Variants in ARFGEF3 observed in about 807,000 individuals in gnomAD.
The protein encoded by ARFGEF3 is ARFGEF family member 3, also known as brefeldin A-inhibited guanine nucleotide-exchange protein 3.
Under a neutral mutation model 221.7 loss-of-function variants are expected in ARFGEF3, and 96 were observed. That is an observed-to-expected ratio of 0.43 (90% CI 0.37 to 0.51). ARFGEF3 has a LOEUF of 0.51. ARFGEF3 is among the 20% of genes least tolerant of loss of function. ARFGEF3 has a pLI of 0.00. For missense variants in ARFGEF3, 2,410 were observed against 2,789.9 expected, an observed-to-expected ratio of 0.86 and a Z score of 3.07; for synonymous variants, 1,145 against 1,126.8, an observed-to-expected ratio of 1.02 and a Z score of -0.32.
chr6:138,169,742 C>T (rs1203459964), intron 1 of ARFGEF3, among the ~76,000 whole-genome samples: 1 of 152,206 alleles, frequency 6.6e-6, no homozygotes, highest in Non-Finnish European at 1.5e-5. Flanking sequence ...TTCTGTTTTG[C>T]TGATTAATTG....
chr6:138,174,591 A>C, intron 2 of ARFGEF3, among the ~76,000 whole-genome samples: 1 of 148,562 alleles, frequency 6.7e-6, no homozygotes, highest in East Asian at 2.1e-4. Flanking sequence ...CATTTAATAT[A>C]TGGGAAAGAA....
chr6:138,335,396 C>T (rs968638239), intron 33 of ARFGEF3, among the ~76,000 whole-genome samples: 11 of 152,158 alleles, frequency 7.2e-5, no homozygotes, highest in African/African-American at 2.7e-4. Context: ...TGGAATTTTA[C>T]TCTCAGGTAA....
chr6:138,322,802 GAA>G (rs112516953), intron 29 of ARFGEF3, among the ~76,000 whole-genome samples: 4,630 of 89,932 alleles, frequency 0.051, 217 homozygotes, highest in African/African-American at 0.13. Flanking sequence ...CTCAAAAAAA[GAA>G]AAAAAAAAAA....
At chr6:138,191,893 G>A (rs1777310424) in intron 2 of ARFGEF3, among the ~76,000 whole-genome samples, 1 of 152,038 alleles carries the variant, frequency 6.6e-6, no homozygotes, top group Admixed American at 6.5e-5. Context: ...CTTCCTCCAG[G>A]CTCTCATGCC....
chr6:138,335,284 T>G, intron 33 of ARFGEF3, 96 bp downstream of exon 33: 1 of 1,262,760 alleles, frequency 7.9e-7, no homozygotes. Flanking sequence ...GGCTAAGATT[T>G]ATAGAAACAG....
intron 12 of ARFGEF3, among the ~76,000 whole-genome samples, chr6:138,265,857 A>G (rs955990331): frequency 1.2e-4 from 18 of 152,038 alleles, no homozygotes; most frequent in African/African-American, 3.6e-4. Flanking sequence ...GCAGTGGCTC[A>G]GCCTCCCAAG....
At chr6:138,163,048 T>A (rs540389329) in intron 1 of ARFGEF3, among the ~76,000 whole-genome samples, 1 of 152,294 alleles carries the variant, frequency 6.6e-6, no homozygotes, top group South Asian at 2.1e-4. Flanking sequence ...AAAATGAAAT[T>A]GACTCCCTTT....
At position 138,335,068 on chromosome 6, in the gene ARFGEF3, G is replaced by T; in HGVS notation, c.6222G>T (p.Gly2074=). The change falls in exon 33 of 34, where the codon GGG becomes GGT. Residue 2074 remains glycine (G), a synonymous_variant. Transcript: ENST00000251691. ...LQRPQHLMDQ[G]QMRHSFSAGP... ...GTCCCCAGCACTTGATGGACCAAGG[G>T]CAAATGCGGCATTCCTTCAGCGCAG... 1 of 1,599,876 alleles carries T rather than the reference G, an allele frequency of 6.3e-7. No homozygotes were observed. The highest frequency in any genetic ancestry group is 8.5e-7 in the Non-Finnish European group (1 of 1,173,976).
At chr6:138,238,661 C>A in intron 6 of ARFGEF3, 30 bp downstream of exon 6, 1 of 1,608,690 alleles carries the variant, frequency 6.2e-7, no homozygotes, top group African/African-American at 1.3e-5. Flanking sequence ...ATGTTCATCA[C>A]CTTCCTGGTG....
intron 14 of ARFGEF3, among the ~76,000 whole-genome samples, chr6:138,280,624 G>A (rs113957887): frequency 0.038 from 5,720 of 152,326 alleles, 147 homozygotes; most frequent in Non-Finnish European, 0.056. Context: ...GCTGAGGTGG[G>A]TGGATCACCT....
chr6:138,332,372 C>T (rs893228325), intron 32 of ARFGEF3, among the ~76,000 whole-genome samples: 1 of 133,644 alleles, frequency 7.5e-6, no homozygotes. Flanking sequence ...CTGAATGCTA[C>T]TCTCACCATT....
chr6:138,221,861 A>G (rs186144737), intron 4 of ARFGEF3, among the ~76,000 whole-genome samples: 4 of 152,334 alleles, frequency 2.6e-5, no homozygotes, highest in Admixed American at 1.3e-4. Context: ...CTCTAGCAAA[A>G]TCTGTTGACT....
chr6:138,300,901 C>T (rs79297839), intron 22 of ARFGEF3, among the ~76,000 whole-genome samples: 4,942 of 152,272 alleles, frequency 0.032, 262 homozygotes, highest in African/African-American at 0.11. Flanking sequence ...TAGTGCCTTT[C>T]TGACAGAAGA....
rs891485898 is a variant in ARFGEF3 at position 138,199,097 on chromosome 6, A to G, written c.138-7945A>G. 1.7e-4 allele frequency among the ~76,000 whole-genome samples: 26 copies of G among 152,176 alleles called. 1 individual carries two copies. Among genetic ancestry groups the G allele is most frequent in the Admixed American group, 1.4e-3 (22 of 15,284 alleles). Reference sequence around the variant, plus strand: ...TCTATTTAATATTTTTTTAAAAGAAAAGAGATGGTCTAAGTCTGCATCACA... The same window carrying G: ...TCTATTTAATATTTTTTTAAAAGAAGAGAGATGGTCTAAGTCTGCATCACA... On this transcript the variant is annotated intron_variant, in intron 2 of 33. Transcript: ENST00000251691.
chr6:138,207,042 G>A lies in ARFGEF3; in HGVS notation c.138G>A (p.Arg46=), dbSNP rs201019259. Reference sequence around the variant, plus strand: ...TTGTCCTTATTTTTGTGTTTGCCAGGGAGAAATGCCTGCTGCCTCTCCAGT... The same window carrying A: ...TTGTCCTTATTTTTGTGTTTGCCAGAGAGAAATGCCTGCTGCCTCTCCAGT... The part of the protein sequence containing the change: ...TIVKIPPHVL[R]EKCLLPLQLA... Residue 46 remains arginine (R), a splice_region_variant and synonymous_variant, in exon 3 of 34, where the codon AGG becomes AGA. Coordinates refer to ENST00000251691, the MANE Select transcript of ARFGEF3 (RefSeq NM_020340.5). The A allele has an allele frequency of 1.9e-6, 3 of 1,607,078 alleles. No homozygotes were observed. The Admixed American group carries it at 5.1e-5, about 27-fold the overall frequency.
Position 138,298,755 on chromosome 6 carries a change from G to A in ARFGEF3, c.3798G>A (p.Leu1266=). The change falls in exon 22 of 34, where the codon CTG becomes CTA. Residue 1266 remains leucine (L), a synonymous_variant. Coordinates refer to ENST00000251691, the MANE Select transcript of ARFGEF3 (RefSeq NM_020340.5). The stretch of plus-strand genomic sequence containing the variant: ...GACCTTTCGAGCGCATTATGCAGCT[G>A]GAATTGTGTGATGAGGACGTCCAAG... ...LFRPFERIMQ[L]ELCDEDVQDQ... 1 of 1,613,112 alleles carries A rather than the reference G, an allele frequency of 6.2e-7. No homozygotes were observed. Among genetic ancestry groups the A allele is most frequent in the East Asian group, 2.2e-5 (1 of 44,884 alleles).
chr6:138,217,897 A>T (rs777169869), intron 4 of ARFGEF3: 10 of 1,453,240 alleles, frequency 6.9e-6, no homozygotes, highest in Non-Finnish European at 9.2e-6. Flanking sequence ...TGGTTCAGTT[A>T]CTTGGCTGGG....
chr6:138,312,835 G>A (rs530417229), intron 25 of ARFGEF3, among the ~76,000 whole-genome samples: 20 of 152,198 alleles, frequency 1.3e-4, no homozygotes, highest in African/African-American at 4.3e-4. Context: ...TCAGCCTCCC[G>A]AGTAGCTGGG....
chr6:138,337,435 A>T lies in ARFGEF3; in HGVS notation c.*949A>T, dbSNP rs1449570131. ...TGGTTTTTAAGAAAACAAAACATTA[A>T]GACGCAACTCATTTTATATCAACAC... On this transcript the variant is annotated 3_prime_UTR_variant, in exon 34 of 34. Coordinates refer to ENST00000251691, the MANE Select transcript of ARFGEF3 (RefSeq NM_020340.5). 1 of 152,678 alleles carries T rather than the reference A, an allele frequency of 6.5e-6. No homozygotes were observed. Among genetic ancestry groups the T allele is most frequent in the African/African-American group, 2.4e-5 (1 of 41,466 alleles). 9.5% of individuals were successfully genotyped at this position (152,678 alleles called of 1,614,324 possible).
Sources: gnomAD v4.1 joint callset for allele counts (sites outside exome capture counted in the v4.1 genomes callset) on GRCh38, gnomAD v4.1.1 for gene constraint, MANE v1.5 for transcripts, NCBI Gene and HGNC (gene_info 2026-07-23, HGNC 2026-07-21) for gene names.